Variants in REDIC1 observed in about 807,000 individuals in gnomAD.
REDIC1 encodes the protein regulator of DNA class I crossover intermediates 1, also known as HEI10 Interacting Protein 1.
At chr12:39,727,810 G>A in the REDIC1 span, among the ~76,000 whole-genome samples, 2 of 152,246 alleles carry the variant, frequency 1.3e-5, no homozygotes, top group South Asian at 4.2e-4. Context: ...CCATTTGTTT[G>A]TGTCCTCTCT....
chr12:39,897,747 C>CA, the REDIC1 span, among the ~76,000 whole-genome samples: 1 of 151,938 alleles, frequency 6.6e-6, no homozygotes, highest in African/African-American at 2.4e-5. Flanking sequence ...ACTTAGAAAA[C>CA]AAAAAATATT....
chr12:39,666,100 A>G, the REDIC1 span, among the ~76,000 whole-genome samples: 1 of 152,032 alleles, frequency 6.6e-6, no homozygotes, highest in African/African-American at 2.4e-5. Context: ...TTCCAATACT[A>G]TGTTGAATAG....
chr12:39,792,814 A>AC, the REDIC1 span, among the ~76,000 whole-genome samples: 666 of 149,254 alleles, frequency 4.5e-3, 6 homozygotes, highest in African/African-American at 0.015. Flanking sequence ...AAAAAAAAAA[A>AC]CCCCACATAA....
the REDIC1 span, among the ~76,000 whole-genome samples, chr12:39,822,175 T>C: frequency 6.7e-6 from 1 of 150,150 alleles, no homozygotes; most frequent in African/African-American, 2.4e-5. Context: ...CGGTGTTTGG[T>C]TTTTTCTTCT....
At chr12:39,747,237 T>A in the REDIC1 span, among the ~76,000 whole-genome samples, 3 of 152,194 alleles carry the variant, frequency 2.0e-5, no homozygotes, top group African/African-American at 7.2e-5. Context: ...TTAAATGACC[T>A]GATGGAGCTG....
At chr12:39,690,186 C>G in the REDIC1 span, among the ~76,000 whole-genome samples, 2 of 152,138 alleles carry the variant, frequency 1.3e-5, no homozygotes, top group African/African-American at 4.8e-5. Flanking sequence ...GTAGATTCTG[C>G]TGAGGAAGAA....
chr12:39,724,203 A>T, the REDIC1 span, among the ~76,000 whole-genome samples: 1 of 152,134 alleles, frequency 6.6e-6, no homozygotes, highest in Non-Finnish European at 1.5e-5. Flanking sequence ...GGGCGGGATA[A>T]GTCTTTGAAA....
the REDIC1 span, among the ~76,000 whole-genome samples, chr12:39,710,107 C>T: frequency 6.6e-6 from 1 of 151,764 alleles, no homozygotes; most frequent in African/African-American, 2.4e-5. Context: ...ACCATCTTAG[C>T]ATTCCTGTAA....
chr12:39,866,882 G>A, the REDIC1 span, among the ~76,000 whole-genome samples: 1 of 152,204 alleles, frequency 6.6e-6, no homozygotes, highest in African/African-American at 2.4e-5. Flanking sequence ...ACAGAACAAA[G>A]TTGAAGGATG....
the REDIC1 span, among the ~76,000 whole-genome samples, chr12:39,706,537 A>T: frequency 6.6e-6 from 1 of 152,042 alleles, no homozygotes; most frequent in East Asian, 1.9e-4. Flanking sequence ...AAGGAATAGC[A>T]TTCTCTTACT....
the REDIC1 span, chr12:39,754,949 T>C: frequency 5.8e-4 from 88 of 152,128 alleles, no homozygotes; most frequent in Non-Finnish European, 3.7e-4. Flanking sequence ...ATTGTCTTTC[T>C]AGATGCTTTA....
the REDIC1 span, among the ~76,000 whole-genome samples, chr12:39,895,515 TATATATA>T: frequency 1.4e-3 from 1 of 694 alleles, no homozygotes; most frequent in Non-Finnish European, 2.2e-3. Flanking sequence ...AAAAAAAAAT[TATATATA>T]TATATATATA....
chr12:39,650,098 T>A, the REDIC1 span: 2 of 913,984 alleles, frequency 2.2e-6, no homozygotes, highest in Admixed American at 8.2e-5. The surrounding 1 kb of genome is among the most constrained non-coding windows in gnomAD (Gnocchi z 4.3). Flanking sequence ...CAATAAGTAG[T>A]AAAATTACTT....
chr12:39,898,579 A>G, the REDIC1 span, among the ~76,000 whole-genome samples: 1 of 152,102 alleles, frequency 6.6e-6, no homozygotes, highest in African/African-American at 2.4e-5. Flanking sequence ...CTTTAGGGAC[A>G]TTTTTATTGT....
chr12:39,878,107 A>G, the REDIC1 span, among the ~76,000 whole-genome samples: 1 of 151,898 alleles, frequency 6.6e-6, no homozygotes, highest in Non-Finnish European at 1.5e-5. Flanking sequence ...TGCCAGCACC[A>G]CTCTTCCTCA....
the REDIC1 span, among the ~76,000 whole-genome samples, chr12:39,718,383 G>A: frequency 6.6e-6 from 1 of 152,160 alleles, no homozygotes; most frequent in African/African-American, 2.4e-5. Context: ...ACTTTAAAAG[G>A]CAGTCCCTTA....
the REDIC1 span, among the ~76,000 whole-genome samples, chr12:39,886,910 A>T: frequency 1.3e-5 from 2 of 152,192 alleles, no homozygotes; most frequent in Admixed American, 6.5e-5. Context: ...TAGTGTCCAG[A>T]TGTGTTTTGC....
chr12:39,905,076 C>A, the REDIC1 span, among the ~76,000 whole-genome samples: 2 of 152,068 alleles, frequency 1.3e-5, no homozygotes, highest in Non-Finnish European at 2.9e-5. Flanking sequence ...CACAAATATG[C>A]CCACAGAATG....
At chr12:39,695,031 A>T in the REDIC1 span, among the ~76,000 whole-genome samples, 1 of 152,006 alleles carries the variant, frequency 6.6e-6, no homozygotes, top group African/African-American at 2.4e-5. Context: ...GAAGGGAAGG[A>T]CCCAATCCTG....
Sources: gnomAD v4.1 joint callset for allele counts (sites outside exome capture counted in the v4.1 genomes callset) on GRCh38, gnomAD v4.1.1 for gene constraint, Gnocchi (gnomAD v3.1) non-coding constraint, MANE v1.5 for transcripts, NCBI Gene and HGNC (gene_info 2026-07-23, HGNC 2026-07-21) for gene names.